Variants in WDR91 observed in about 807,000 individuals in gnomAD.
The protein encoded by WDR91 is WD repeat domain 91.
Under a neutral mutation model 88.4 loss-of-function variants are expected in WDR91, and 52 were observed. The ratio of observed to expected loss-of-function variants is 0.59; its 90% CI spans 0.47 to 0.74. WDR91 has a LOEUF of 0.74. WDR91 is among the 30% of genes least tolerant of loss of function. WDR91 has a pLI of 0.00. For synonymous variants in WDR91, 362 were observed against 389.5 expected, an observed-to-expected ratio of 0.93 and a Z score of 0.83; for missense variants, 824 against 954.5, an observed-to-expected ratio of 0.86 and a Z score of 1.80.
chr7:135,198,044 C>T lies in WDR91; in HGVS notation c.999G>A (p.Leu333=). The part of the protein sequence containing the change: ...SGWSQHRQRR[L]QDHGKERKEL... The stretch of plus-strand genomic sequence containing the variant: ...CCTTCCTCTCCTTGCCATGGTCCTG[C>T]AGGCGCCGCTGCCGGTGCTGTGACC... The change falls in exon 7 of 15, where the codon CTG becomes CTA. Residue 333 remains leucine, a synonymous_variant. Coordinates refer to ENST00000354475, the MANE Select transcript of WDR91 (RefSeq NM_014149.4). The T allele has an allele frequency of 6.2e-7, 1 of 1,614,196 alleles. No individual in the cohort carries two copies.
intron 11 of WDR91, among the ~76,000 whole-genome samples, chr7:135,191,954 G>A (rs1831180752): frequency 6.6e-6 from 1 of 152,128 alleles, no homozygotes; most frequent in Non-Finnish European, 1.5e-5. Flanking sequence ...GAGGACAGTG[G>A]GCAGGGAGGG....
At chr7:135,187,424 C>T (rs767498709) in intron 13 of WDR91, among the ~76,000 whole-genome samples, 1 of 152,200 alleles carries the variant, frequency 6.6e-6, no homozygotes, top group Non-Finnish European at 1.5e-5. Flanking sequence ...AGGCAGCAAC[C>T]TCACATTAAA....
intron 6 of WDR91, chr7:135,201,459 C>T (rs1831568148): frequency 6.6e-6 from 1 of 151,720 alleles, no homozygotes; most frequent in Admixed American, 6.6e-5. Context: ...ATCTGTTTTG[C>T]CATCTATTTT....
intron 11 of WDR91, among the ~76,000 whole-genome samples, chr7:135,190,767 T>C (rs946949403): frequency 3.3e-5 from 5 of 152,094 alleles, no homozygotes; most frequent in African/African-American, 1.2e-4. Context: ...TTAGATATAG[T>C]AGAGGAGAGA....
intron 9 of WDR91, 116 bp from the exon 10 acceptor site, chr7:135,193,788 G>C (rs575678567): frequency 1.3e-6 from 1 of 774,312 alleles, no homozygotes; most frequent in African/African-American, 1.7e-5. Flanking sequence ...CCTCCTCTAC[G>C]CATCCAGGCA....
At chr7:135,192,293 T>C (rs1831199527) in intron 11 of WDR91, among the ~76,000 whole-genome samples, 2 of 151,978 alleles carry the variant, frequency 1.3e-5, no homozygotes, top group Non-Finnish European at 2.9e-5. Flanking sequence ...AATTTTTAAG[T>C]TTTTTGTAGA....
At chr7:135,211,031 G>A (rs1831997214) in intron 1 of WDR91, 2 of 656,012 alleles carry the variant, frequency 3.0e-6, no homozygotes, top group Admixed American at 2.3e-5. Flanking sequence ...AAGCCAACAC[G>A]AATATCTGTT....
chr7:135,211,517 C>CT lies in WDR91; in HGVS notation c.-16dup. The CT allele has an allele frequency of 6.2e-7, 1 of 1,606,860 alleles. No homozygotes were observed. The highest frequency in any genetic ancestry group is 8.5e-7 in the Non-Finnish European group (1 of 1,178,508). On this transcript the variant is annotated 5_prime_UTR_variant, in exon 1 of 15. Coordinates refer to ENST00000354475, the MANE Select transcript of WDR91 (RefSeq NM_014149.4). ...GCCTCCGCCATCGCAGCGCTAGCGT[C>CT]TTTAGGGGTGGTGCGGTGAGGGACG...
rs1585414884 is a variant in WDR91, at chr7:135,194,944, C to T, written c.1385G>A (p.Arg462Gln). 1 of 1,614,060 alleles carries T rather than the reference C, an allele frequency of 6.2e-7. No individual in the cohort carries two copies. The highest frequency in any genetic ancestry group is 8.5e-7 in the Non-Finnish European group (1 of 1,180,014). Reference sequence around the variant, plus strand: ...GCCACCATTACTCACCAGTCTGTCCCGTTTGGTGGCCCATTCCAAAGACAG... The same window carrying T: ...GCCACCATTACTCACCAGTCTGTCCTGTTTGGTGGCCCATTCCAAAGACAG... ...PLLSLEWATK[R>Q]DRLLLLGSGV... Residue 462 changes from arginine (R) to glutamine (Q), a missense_variant, in exon 9 of 15, where the codon CGG becomes CAG. Physicochemically the swap from Arg to Gln is conservative, Grantham distance 43. Coordinates refer to ENST00000354475, the MANE Select transcript of WDR91 (RefSeq NM_014149.4).
chr7:135,206,117 G>A, intron 4 of WDR91, 59 bp from the exon 5 acceptor site: 2 of 1,611,272 alleles, frequency 1.2e-6, no homozygotes, highest in Non-Finnish European at 1.7e-6. Context: ...CTCTGCGGAG[G>A]AAGATTTCTA....
intron 1 of WDR91, 72 bp downstream of exon 1, chr7:135,211,308 G>A: frequency 6.5e-7 from 1 of 1,542,772 alleles, no homozygotes; most frequent in Non-Finnish European, 8.7e-7. Flanking sequence ...CCCGGAGGCA[G>A]TGCTGGGGGG....
At chr7:135,187,202 A>G (rs1830981057) in intron 13 of WDR91, 33 bp from the exon 14 acceptor site, 1 of 1,611,574 alleles carries the variant, frequency 6.2e-7, no homozygotes, top group East Asian at 2.2e-5. Flanking sequence ...GGGTGCTCGC[A>G]GCGGAGCTGG....
intron 11 of WDR91, among the ~76,000 whole-genome samples, chr7:135,191,990 T>A (rs1475489679): frequency 6.6e-6 from 1 of 152,044 alleles, no homozygotes; most frequent in African/African-American, 2.4e-5. Context: ...CTAGAGTATG[T>A]CCCTGGAAAT....
intron 5 of WDR91, among the ~76,000 whole-genome samples, chr7:135,205,533 G>A (rs747780008): frequency 2.0e-4 from 30 of 152,168 alleles, no homozygotes; most frequent in Non-Finnish European, 3.8e-4. Context: ...CAAGGCAGGT[G>A]GATCACTTGA....
chr7:135,194,445 A>G (rs947314869), intron 9 of WDR91, among the ~76,000 whole-genome samples: 10 of 152,220 alleles, frequency 6.6e-5, no homozygotes, highest in Admixed American at 6.5e-4. Context: ...AAAAACAGCA[A>G]GGCAATTTTA....
chr7:135,208,630 C>T (rs199903466), intron 3 of WDR91, among the ~76,000 whole-genome samples, 161 bp downstream of exon 3: 1 of 152,196 alleles, frequency 6.6e-6, no homozygotes, highest in Non-Finnish European at 1.5e-5. Flanking sequence ...GGCTTACTGA[C>T]AAAAACAACC....
intron 3 of WDR91, among the ~76,000 whole-genome samples, chr7:135,208,071 G>A (rs1329195262): frequency 1.3e-5 from 2 of 152,100 alleles, no homozygotes; most frequent in Admixed American, 1.3e-4. Flanking sequence ...CCTCCCAGAG[G>A]CCAAAACGCC....
At chr7:135,200,922 T>C (rs937582647) in intron 6 of WDR91, among the ~76,000 whole-genome samples, 2 of 152,172 alleles carry the variant, frequency 1.3e-5, no homozygotes, top group Non-Finnish European at 2.9e-5. Context: ...TGGTCTCACC[T>C]GAAGCTAAAC....
At chr7:135,193,912 C>T (rs1831268807) in intron 9 of WDR91, 4 of 505,630 alleles carry the variant, frequency 7.9e-6, no homozygotes, top group South Asian at 2.2e-5. Flanking sequence ...ATGGGAGAGA[C>T]GCGTCACCTT....
Sources: allele counts gnomAD v4.1 joint callset (sites outside exome capture counted in the v4.1 genomes callset), GRCh38; gene constraint gnomAD v4.1.1; transcripts MANE v1.5; gene names NCBI Gene and HGNC (gene_info 2026-07-23, HGNC 2026-07-21).